The following KLF16 variants were observed in gnomAD, a reference collection of about 807,000 sequenced individuals.
The protein encoded by KLF16 is KLF transcription factor 16, also known as Krueppel-like factor 16.
A neutral mutation model predicts 6.1 loss-of-function variants in KLF16; 6 were observed. That is an observed-to-expected ratio of 0.98 (90% CI 0.54 to 1.93). The LOEUF (loss-of-function observed/expected upper bound fraction) is 1.93. Among genes scored for constraint, KLF16 ranks in the 30% most tolerant of loss-of-function variants. KLF16 has a pLI of 0.01. For synonymous variants in KLF16, 211 were observed against 176.5 expected (o/e 1.20, Z -1.55); for missense variants, 355 against 363.8 (o/e 0.98, Z 0.20).
the KLF16 span, among the ~76,000 whole-genome samples, chr19:1,872,622 C>G: frequency 6.6e-6 from 1 of 152,226 alleles, no homozygotes; most frequent in Admixed American, 6.5e-5. Context: ...AGAGAATAGG[C>G]TCTGGTCTGG....
chr19:1,865,557 G>A (rs1363400824), upstream of KLF16, among the ~76,000 whole-genome samples: 4 of 152,250 alleles, frequency 2.6e-5, no homozygotes, highest in Non-Finnish European at 5.9e-5. Context: ...ATGGGGGGCA[G>A]GGGTGAGCAG....
rs747804611 is a variant in KLF16 at position 1,854,552 on chromosome 19, G to A, written c.666C>T (p.Ala222=). The change falls in exon 2 of 2, where the codon GCC becomes GCT. Residue 222 remains alanine, a synonymous_variant. Coordinates refer to ENST00000250916, the MANE Select transcript of KLF16 (RefSeq NM_031918.4). ...FHPDLLRRPG[A]RSTSPSDSLP... ...GCGAGTCGCTGGGGGAGGTACTGCG[G>A]GCACCAGGGCGCCGGAGCAGGTCCG... 14 of 1,563,278 alleles carry A rather than the reference G, an allele frequency of 9.0e-6. No homozygotes were observed. The highest frequency in any genetic ancestry group is 1.2e-5 in the Non-Finnish European group (14 of 1,162,610).
intron 1 of KLF16, among the ~76,000 whole-genome samples, chr19:1,859,493 G>A (rs138475029): frequency 9.5e-4 from 145 of 151,866 alleles, no homozygotes; most frequent in African/African-American, 2.9e-3. Flanking sequence ...CCTCACTGCC[G>A]CCCCCAGCGT....
intron 1 of KLF16, among the ~76,000 whole-genome samples, chr19:1,858,166 C>A (rs2011992593): frequency 6.6e-6 from 1 of 152,164 alleles, no homozygotes; most frequent in African/African-American, 2.4e-5. Context: ...CCACGTGCCA[C>A]CTGCCAGCCA....
chr19:1,863,953 C>T (rs1179208386), upstream of KLF16, among the ~76,000 whole-genome samples: 1 of 145,312 alleles, frequency 6.9e-6, no homozygotes, highest in Non-Finnish European at 1.5e-5. Context: ...AGCGCGCGCC[C>T]CCGTACCCTT....
chr19:1,854,802 G>A (rs775451694), intron 1 of KLF16, 42 bp from the exon 2 acceptor site: 15 of 1,583,150 alleles, frequency 9.5e-6, no homozygotes, highest in South Asian at 4.4e-5. Flanking sequence ...CAGCGGGGGC[G>A]GGGGGAGATG....
the KLF16 span, among the ~76,000 whole-genome samples, chr19:1,871,136 C>T: frequency 5.3e-5 from 8 of 152,338 alleles, no homozygotes; most frequent in South Asian, 2.1e-4. Flanking sequence ...GAGAATCAGG[C>T]AGAACCGTCA....
upstream of KLF16, among the ~76,000 whole-genome samples, chr19:1,864,038 C>A (rs1284823751): frequency 6.9e-6 from 1 of 144,494 alleles, no homozygotes; most frequent in Admixed American, 6.8e-5. Flanking sequence ...CCCCTCCTTC[C>A]GAGAGCGCGC....
upstream of KLF16, among the ~76,000 whole-genome samples, chr19:1,867,625 G>A (rs2012208432): frequency 6.6e-6 from 1 of 152,162 alleles, no homozygotes; most frequent in Non-Finnish European, 1.5e-5. Context: ...CAGCACTTTG[G>A]GAGGCCAAGG....
rs1599192978 is a variant in KLF16, at chr19:1,857,566, C to G, written c.458-2806G>C. ...AAACCTGGCCCGGCCCCGTCTGAGC[C>G]GGCACAGGAGGGGCCTGGAGACAGG... On this transcript the variant is annotated intron_variant, in intron 1 of 1. Transcript: ENST00000250916. This position sits in a 1 kb window ranked among gnomAD's most constrained non-coding sequence, Gnocchi z 4.7. 6.6e-6 allele frequency among the ~76,000 whole-genome samples: 1 copy of G among 152,076 alleles called. No individual in the cohort carries two copies. Among genetic ancestry groups the G allele is most frequent in the African/African-American group, 2.4e-5 (1 of 41,424 alleles).
rs1334550258 is a variant in KLF16 at position 1,857,279 on chromosome 19, A to G, written c.458-2519T>C. Among the ~76,000 whole-genome samples, 2 of 152,164 alleles carry G rather than the reference A, an allele frequency of 1.3e-5. No homozygotes were observed. The highest frequency in any genetic ancestry group is 1.3e-4 in the Admixed American group (2 of 15,288). ...CCTCGCACACAATCCACTCGCAGGG[A>G]GGAGGGTGGGGTGAACTTGTGGGGG... On this transcript the variant is annotated intron_variant, in intron 1 of 1. Transcript: ENST00000250916. This position sits in a 1 kb window ranked among gnomAD's most constrained non-coding sequence, Gnocchi z 4.7.
upstream of KLF16, among the ~76,000 whole-genome samples, chr19:1,866,713 C>A (rs1268239562): frequency 7.0e-6 from 1 of 143,234 alleles, no homozygotes; most frequent in Non-Finnish European, 1.5e-5. Context: ...GAGGTCAAGG[C>A]TGCAGTGAGC....
At chr19:1,862,939 C>G in intron 1 of KLF16, 102 bp downstream of exon 1, 1 of 640,436 alleles carries the variant, frequency 1.6e-6, no homozygotes, top group Non-Finnish European at 2.0e-6. Flanking sequence ...CCGGGCGCGC[C>G]CCCCTCCCCG....
upstream of KLF16, among the ~76,000 whole-genome samples, chr19:1,865,953 T>C (rs117759009): frequency 6.1e-3 from 931 of 152,010 alleles, 7 homozygotes; most frequent in Middle Eastern, 0.014. Context: ...CACTTGAAGC[T>C]ATCAGTTCAA....
In KLF16 at chr19:1,857,473, G is replaced by GC. The variant is rs1247866439; in HGVS notation, c.458-2714dup. ...GACTTGACCCTCTGACTCAGGCTGG[G>GC]CCCGGGTGAGCTCAGGACAGCCTCG... On this transcript the variant is annotated intron_variant, in intron 1 of 1. Coordinates refer to ENST00000250916, the MANE Select transcript of KLF16 (RefSeq NM_031918.4). This position sits in a 1 kb window ranked among gnomAD's most constrained non-coding sequence, Gnocchi z 4.7. 6.6e-6 allele frequency among the ~76,000 whole-genome samples: 1 copy of GC among 152,202 alleles called. No individual in the cohort carries two copies. Among genetic ancestry groups the GC allele is most frequent in the Non-Finnish European group, 1.5e-5 (1 of 68,026 alleles).
At chr19:1,865,168 G>C (rs1294317531), upstream of KLF16, among the ~76,000 whole-genome samples, 1 of 152,216 alleles carries the variant, frequency 6.6e-6, no homozygotes, top group African/African-American at 2.4e-5. Context: ...GCGGAGCCGA[G>C]AGAGAGGAGG....
intron 1 of KLF16, among the ~76,000 whole-genome samples, chr19:1,858,055 C>G (rs1157570691): frequency 1.3e-5 from 2 of 152,068 alleles, no homozygotes; most frequent in South Asian, 2.1e-4. Flanking sequence ...CTTCCTCCCC[C>G]ATCCCCACTC....
chr19:1,856,919 C>G (rs2011961520), intron 1 of KLF16, among the ~76,000 whole-genome samples: 1 of 135,582 alleles, frequency 7.4e-6, no homozygotes, highest in East Asian at 2.1e-4. Context: ...CCCTCTCCCC[C>G]AGTTCCACTT....
chr19:1,857,078 C>A lies in KLF16; in HGVS notation c.458-2318G>T, dbSNP rs1043985244. ...CCCCGCTCACGTGGTCCCACTCCCG[C>A]CGGGGCCAGGGGGCCCGGGCCAGGG... On this transcript the variant is annotated intron_variant, in intron 1 of 1. Transcript: ENST00000250916. This position sits in a 1 kb window ranked among gnomAD's most constrained non-coding sequence, Gnocchi z 4.7. 1.3e-5 allele frequency among the ~76,000 whole-genome samples: 2 copies of A among 151,848 alleles called. No individual in the cohort carries two copies. Among genetic ancestry groups the A allele is most frequent in the Non-Finnish European group, 2.9e-5 (2 of 67,948 alleles).
Sources: gnomAD v4.1 joint callset for allele counts (sites outside exome capture counted in the v4.1 genomes callset) on GRCh38, gnomAD v4.1.1 for gene constraint, Gnocchi (gnomAD v3.1) non-coding constraint, MANE v1.5 for transcripts, NCBI Gene and HGNC (gene_info 2026-07-23, HGNC 2026-07-21) for gene names.